BCAS3: variants seen among roughly 807,000 people sequenced by gnomAD.
BCAS3 encodes BCAS3 microtubule associated cell migration factor.
In BCAS3, 53 loss-of-function variants were observed where a neutral mutation model predicts 116.1. The observed-to-expected ratio is 0.46, with a 90% CI of 0.37 to 0.57. The LOEUF (loss-of-function observed/expected upper bound fraction) is 0.57. BCAS3 is among the 20% of genes least tolerant of loss of function. The pLI is 0.00. For synonymous variants in BCAS3, 391 were observed against 408.2 expected, an observed-to-expected ratio of 0.96 and a Z score of 0.51; for missense variants, 917 against 1,165.4, an observed-to-expected ratio of 0.79 and a Z score of 3.10.
At chr17:60,848,273 G>A (rs1172564903) in intron 7 of BCAS3, among the ~76,000 whole-genome samples, 2 of 152,108 alleles carry the variant, frequency 1.3e-5, no homozygotes, top group Non-Finnish European at 2.9e-5. Flanking sequence ...GCTGTTTGGT[G>A]CACCTTGTAC....
intron 22 of BCAS3, among the ~76,000 whole-genome samples, chr17:61,252,511 A>G (rs545551051): frequency 6.6e-6 from 1 of 152,084 alleles, no homozygotes; most frequent in East Asian, 1.9e-4. Context: ...CCAGGGCTCC[A>G]GAGGGGCCGG....
rs772923804 is a variant in BCAS3 at position 61,145,362 on chromosome 17, C to T, written c.2425+60798C>T. ...GAAAGGAGCAGCCTGACCAAATTTA[C>T]GCTCACAAGATCTCTTAATTCACAA... is the stretch of plus-strand genomic sequence containing the variant. On this transcript the variant is annotated intron_variant, in intron 22 of 23. Coordinates refer to ENST00000407086, the MANE Select transcript of BCAS3 (RefSeq NM_017679.5). This position sits in a 1 kb window ranked among gnomAD's most constrained non-coding sequence, Gnocchi z 5.0. Among the ~76,000 whole-genome samples, 7 of 152,188 alleles carry T rather than the reference C, an allele frequency of 4.6e-5. No individual in the cohort carries two copies. Among genetic ancestry groups the T allele is most frequent in the Non-Finnish European group, 2.9e-5 (2 of 68,040 alleles).
intron 13 of BCAS3, among the ~76,000 whole-genome samples, chr17:60,944,635 T>G (rs542143863): frequency 5.3e-5 from 8 of 152,042 alleles, no homozygotes; most frequent in Non-Finnish European, 1.0e-4. Context: ...CAAGAAAATA[T>G]TAGAAAATTG....
chr17:60,699,017 C>G (rs1223283051), intron 4 of BCAS3, among the ~76,000 whole-genome samples: 1 of 152,084 alleles, frequency 6.6e-6, no homozygotes, highest in Admixed American at 6.6e-5. Flanking sequence ...AAGACTGCAT[C>G]ACTACACTCT....
At chr17:60,968,125 G>A (rs112794540) in intron 14 of BCAS3, among the ~76,000 whole-genome samples, 18 of 151,982 alleles carry the variant, frequency 1.2e-4, no homozygotes, top group African/African-American at 4.1e-4. Flanking sequence ...TGTTTTTTTC[G>A]TGTGTATATC....
chr17:61,046,174 T>C (rs1236949955), intron 19 of BCAS3, among the ~76,000 whole-genome samples: 1 of 121,840 alleles, frequency 8.2e-6, no homozygotes, highest in Non-Finnish European at 1.7e-5. Context: ...TGTTGCACCC[T>C]TTCTGCAAGT....
intron 19 of BCAS3, among the ~76,000 whole-genome samples, chr17:61,055,614 T>C (rs2069295749): frequency 6.6e-6 from 1 of 152,176 alleles, no homozygotes; most frequent in African/African-American, 2.4e-5. Context: ...AGCAGACACA[T>C]GAAACAATGG....
intron 6 of BCAS3, among the ~76,000 whole-genome samples, chr17:60,772,242 G>A (rs1429842915): frequency 6.6e-6 from 1 of 151,894 alleles, no homozygotes; most frequent in Admixed American, 6.6e-5. Flanking sequence ...TTTAATGATC[G>A]CCATTCTAAC....
Position 61,034,264 on chromosome 17 carries a change from A to G in BCAS3, c.1638-402A>G, listed in dbSNP as rs1396592980. ...TGCAAAGGCAGTGGCAAAAACCACA[A>G]TTACTTTTGCATCAACCTAATATAT... On this transcript the variant is annotated intron_variant, in intron 16 of 23. Coordinates refer to ENST00000407086, the MANE Select transcript of BCAS3 (RefSeq NM_017679.5). The surrounding 1 kb of genome is among the most constrained non-coding windows in gnomAD (Gnocchi z 5.0). Among the ~76,000 whole-genome samples, 3 of 152,214 alleles carry G rather than the reference A, an allele frequency of 2.0e-5. No homozygotes were observed. The highest frequency in any genetic ancestry group is 4.8e-5 in the African/African-American group (2 of 41,442).
At chr17:60,799,735 T>TTA (rs1429156594) in intron 6 of BCAS3, among the ~76,000 whole-genome samples, 2 of 100,566 alleles carry the variant, frequency 2.0e-5, no homozygotes, top group African/African-American at 6.9e-5. Context: ...TTTTTTTTTT[T>TTA]AGTAGAACTG....
intron 22 of BCAS3, among the ~76,000 whole-genome samples, chr17:61,103,471 C>G (rs2074452515): frequency 6.6e-6 from 1 of 152,158 alleles, no homozygotes; most frequent in Non-Finnish European, 1.5e-5. Context: ...GAAATTAACT[C>G]CCTAAGTCTC....
At chr17:60,890,608 T>C (rs1487639394) in intron 10 of BCAS3, among the ~76,000 whole-genome samples, 3 of 152,220 alleles carry the variant, frequency 2.0e-5, no homozygotes, top group Non-Finnish European at 4.4e-5. Context: ...TTTATTAAGG[T>C]CATCATAATA....
In BCAS3 at chr17:61,180,443, T is replaced by A. The variant is rs2144168207; in HGVS notation, c.2425+95879T>A. ...TGGGAGCCACTGGGTAGAAATAATT[T>A]GGCTAAAATTCTGGCCCAGTGTTGT... On this transcript the variant is annotated intron_variant, in intron 22 of 23. Coordinates refer to ENST00000407086, the MANE Select transcript of BCAS3 (RefSeq NM_017679.5). This position sits in a 1 kb window ranked among gnomAD's most constrained non-coding sequence, Gnocchi z 6.0. 6.6e-6 allele frequency among the ~76,000 whole-genome samples: 1 copy of A among 152,366 alleles called. No individual in the cohort carries two copies. Among genetic ancestry groups the A allele is most frequent in the Non-Finnish European group, 1.5e-5 (1 of 68,036 alleles).
chr17:61,025,353 T>C (rs897695097), intron 16 of BCAS3, among the ~76,000 whole-genome samples: 30 of 152,116 alleles, frequency 2.0e-4, no homozygotes, highest in Admixed American at 1.1e-3. Flanking sequence ...GCAGCATTGC[T>C]GTTATCTAGG....
At position 61,239,711 on chromosome 17, in the gene BCAS3, ATTAAGAAC is replaced by A; in HGVS notation, c.2426-128611_2426-128604del. Among the ~76,000 whole-genome samples the A allele has an allele frequency of 6.6e-6, 1 of 152,372 alleles. No individual in the cohort carries two copies. Among genetic ancestry groups the A allele is most frequent in the South Asian group, 2.1e-4 (1 of 4,834 alleles). ...AGAGATTAGTTTTTTCCTACTTAAA[ATTAAGAAC>A]TTAAAGATTTTAATCAAGATAATCC... On this transcript the variant is annotated intron_variant, in intron 22 of 23. Transcript: ENST00000407086. This position sits in a 1 kb window ranked among gnomAD's most constrained non-coding sequence, Gnocchi z 4.2.
Position 61,258,051 on chromosome 17 carries a change from G to A in BCAS3, c.2426-110276G>A, listed in dbSNP as rs2048925664. 6.6e-6 allele frequency among the ~76,000 whole-genome samples: 1 copy of A among 152,094 alleles called. No individual in the cohort carries two copies. The highest frequency in any genetic ancestry group is 1.5e-5 in the Non-Finnish European group (1 of 68,024). ...TGTGCACACTGTTCCTTCCTCTGAA[G>A]AGCCCTGCTCTTCTCAGTGTCCTTC... On this transcript the variant is annotated intron_variant, in intron 22 of 23. Coordinates refer to ENST00000407086, the MANE Select transcript of BCAS3 (RefSeq NM_017679.5). This position sits in a 1 kb window ranked among gnomAD's most constrained non-coding sequence, Gnocchi z 4.7.
chr17:61,007,029 A>T lies in BCAS3; in HGVS notation c.1487-8722A>T, dbSNP rs751358237. Among the ~76,000 whole-genome samples, 3 of 152,092 alleles carry T rather than the reference A, an allele frequency of 2.0e-5. No individual in the cohort carries two copies. The highest frequency in any genetic ancestry group is 4.4e-5 in the Non-Finnish European group (3 of 67,994). ...TTCCAAAATCTTGGAGTGCTCTAAG[A>T]ATAATAAGTAATGAACTTACCACTT... is the stretch of plus-strand genomic sequence containing the variant. On this transcript the variant is annotated intron_variant, in intron 15 of 23. Transcript: ENST00000407086. This position sits in a 1 kb window ranked among gnomAD's most constrained non-coding sequence, Gnocchi z 4.3.
chr17:60,950,884 T>G (rs1180623727), intron 14 of BCAS3, among the ~76,000 whole-genome samples: 1 of 152,236 alleles, frequency 6.6e-6, no homozygotes, highest in Non-Finnish European at 1.5e-5. Flanking sequence ...TTTAGCTTTA[T>G]GACTTGATTT....
intron 10 of BCAS3, among the ~76,000 whole-genome samples, chr17:60,896,483 G>A (rs2057518329): frequency 6.6e-6 from 1 of 151,980 alleles, no homozygotes; most frequent in Non-Finnish European, 1.5e-5. Flanking sequence ...TTTGCTTTAG[G>A]AATCTGTGTG....
Sources: allele counts gnomAD v4.1 joint callset (sites outside exome capture counted in the v4.1 genomes callset), GRCh38; gene constraint gnomAD v4.1.1; non-coding constraint Gnocchi (gnomAD v3.1); transcripts MANE v1.5; gene names NCBI Gene and HGNC (gene_info 2026-07-23, HGNC 2026-07-21).